Variants in RLN2 observed in about 807,000 individuals in gnomAD.
The protein encoded by RLN2 is prorelaxin H2.
In RLN2, 10 loss-of-function variants were observed where a neutral mutation model predicts 7.3. The observed-to-expected ratio is 1.36, with a 90% CI of 0.84 to 2.31. RLN2 has a LOEUF of 2.31. Ranked by LOEUF, RLN2 falls within the 30% of genes most tolerant of loss-of-function variation. RLN2 has a pLI of 0.00. For synonymous variants in RLN2, 103 were observed against 82.3 expected (o/e 1.25, Z -1.36); for missense variants, 298 against 217.6 (o/e 1.37, Z -2.32).
At chr9:5,336,019 T>C in the RLN2 span, among the ~76,000 whole-genome samples, 2 of 152,036 alleles carry the variant, frequency 1.3e-5, 1 homozygote, top group Admixed American at 1.3e-4. Flanking sequence ...ATATTACGAG[T>C]TGTAGTAACA....
chr9:5,318,581 G>A, the RLN2 span, among the ~76,000 whole-genome samples: 1 of 151,792 alleles, frequency 6.6e-6, no homozygotes, highest in East Asian at 1.9e-4. Context: ...TTTTTACTCA[G>A]CAACAGATAT....
chr9:5,307,394 T>G (rs1039966165), upstream of RLN2, among the ~76,000 whole-genome samples: 2 of 151,864 alleles, frequency 1.3e-5, no homozygotes, highest in Non-Finnish European at 2.9e-5. Flanking sequence ...CAGTTTCCTA[T>G]GAGAGTTTTA....
upstream of RLN2, among the ~76,000 whole-genome samples, chr9:5,307,793 G>T (rs2130997515): frequency 1.3e-5 from 2 of 152,100 alleles, no homozygotes; most frequent in African/African-American, 4.8e-5. Context: ...GAATTCCTTT[G>T]CTTGTGGCCT....
upstream of RLN2, among the ~76,000 whole-genome samples, chr9:5,305,912 G>T (rs1242355584): frequency 2.0e-5 from 3 of 151,864 alleles, no homozygotes; most frequent in Admixed American, 6.6e-5. Flanking sequence ...ACTATGAGAT[G>T]GTCAGATGCA....
chr9:5,305,115 G>T (rs1170245949), upstream of RLN2: 4 of 152,444 alleles, frequency 2.6e-5, no homozygotes, highest in African/African-American at 9.7e-5. Flanking sequence ...TATAAAAATA[G>T]AATGGATGAA....
rs1816208130 is a variant in RLN2, at chr9:5,304,614, T to C, written c.-34A>G. 1 of 1,607,714 alleles carries C rather than the reference T, an allele frequency of 6.2e-7. No homozygotes were observed. Among genetic ancestry groups the C allele is most frequent in the African/African-American group, 1.3e-5 (1 of 74,802 alleles). ...TGGTCTCTCCTGGAGGTCGGGACGT[T>C]GCAGCCTTTCAGGACTGCAGCTGCT... On this transcript the variant is annotated 5_prime_UTR_variant, in exon 1 of 2. Transcript: ENST00000381627.
the RLN2 span, among the ~76,000 whole-genome samples, chr9:5,336,285 G>C: frequency 6.6e-6 from 1 of 152,056 alleles, no homozygotes; most frequent in East Asian, 1.9e-4. Flanking sequence ...TTTAAGAAGA[G>C]ATTCATATGT....
the RLN2 span, chr9:5,339,205 C>T: frequency 4.9e-6 from 1 of 205,718 alleles, no homozygotes. Context: ...CTCCGGGCGG[C>T]GTCACCTCCT....
chr9:5,307,269 GAGGATAGATAGATAGATA>G (rs1816269698), upstream of RLN2, among the ~76,000 whole-genome samples: 2 of 40,888 alleles, frequency 4.9e-5, no homozygotes, highest in African/African-American at 2.2e-4. Flanking sequence ...TAGATAGATA[GAGGATAGATAGATAGATA>G]GATAGATAGA....
At chr9:5,320,613 C>A in the RLN2 span, among the ~76,000 whole-genome samples, 1 of 152,000 alleles carries the variant, frequency 6.6e-6, no homozygotes, top group Non-Finnish European at 1.5e-5. Context: ...TCAGGGGATC[C>A]GCCCACCTCA....
the RLN2 span, among the ~76,000 whole-genome samples, chr9:5,328,893 G>C: frequency 6.6e-6 from 1 of 152,010 alleles, no homozygotes; most frequent in Non-Finnish European, 1.5e-5. Context: ...GAGAGATTTT[G>C]TCACCATCAG....
At chr9:5,322,708 T>G in the RLN2 span, among the ~76,000 whole-genome samples, 2 of 152,044 alleles carry the variant, frequency 1.3e-5, no homozygotes, top group Admixed American at 6.6e-5. Context: ...ATAAAGCCTT[T>G]GGGATCCTCT....
the RLN2 span, among the ~76,000 whole-genome samples, chr9:5,337,665 C>T: frequency 6.6e-6 from 1 of 151,984 alleles, no homozygotes; most frequent in African/African-American, 2.4e-5. Flanking sequence ...ACATGTACTT[C>T]CAAAGCGATT....
chr9:5,335,249 T>A, the RLN2 span: 1 of 1,567,422 alleles, frequency 6.4e-7, no homozygotes, highest in Non-Finnish European at 8.6e-7. Context: ...ATTAGCTTCA[T>A]CTCAGCAATA....
intron 1 of RLN2, 71 bp from the exon 2 acceptor site, chr9:5,300,515 A>G: frequency 1.0e-6 from 1 of 1,003,238 alleles, no homozygotes; most frequent in Non-Finnish European, 1.5e-6. Flanking sequence ...AAAACTATGA[A>G]TGTTTGCATA....
At chr9:5,327,840 C>T in the RLN2 span, among the ~76,000 whole-genome samples, 1 of 151,988 alleles carries the variant, frequency 6.6e-6, no homozygotes, top group Non-Finnish European at 1.5e-5. Flanking sequence ...AGAAGGAAAA[C>T]TAATAAACGG....
Position 5,300,414 on chromosome 9 carries a change from G to T in RLN2, c.242C>A (p.Thr81Lys). The T allele has an allele frequency of 1.2e-6, 2 of 1,607,706 alleles. No individual in the cohort carries two copies. The highest frequency in any genetic ancestry group is 1.7e-6 in the Non-Finnish European group (2 of 1,177,688). ...EIVPSFINKD[T>K]ETINMMSEFV... ...TTCTGACATCATATTTATGGTTTCTGTATCTTTGTTGATGAAGGATGGCAC... is the reference window on the plus strand; with the variant it reads ...TTCTGACATCATATTTATGGTTTCTTTATCTTTGTTGATGAAGGATGGCAC... Residue 81 changes from threonine to lysine, a missense_variant, in exon 2 of 2, where the codon ACA becomes AAA. By Grantham distance (78) the Thr-to-Lys change is moderately conservative. Transcript: ENST00000381627.
the RLN2 span, among the ~76,000 whole-genome samples, chr9:5,337,980 T>C: frequency 6.5e-3 from 987 of 151,930 alleles, 14 homozygotes; most frequent in African/African-American, 0.022. Flanking sequence ...ATAATAACAA[T>C]GTGAGAAACT....
the RLN2 span, among the ~76,000 whole-genome samples, chr9:5,334,096 T>C: frequency 6.6e-6 from 1 of 151,078 alleles, no homozygotes; most frequent in East Asian, 1.9e-4. Flanking sequence ...AGCATTCCCC[T>C]TGAAAACCAG....
Sources: allele counts gnomAD v4.1 joint callset (sites outside exome capture counted in the v4.1 genomes callset), GRCh38; gene constraint gnomAD v4.1.1; transcripts MANE v1.5; gene names NCBI Gene and HGNC (gene_info 2026-07-23, HGNC 2026-07-21).